The following SDCCAG8 variants were observed in gnomAD, a reference collection of about 807,000 sequenced individuals.
The protein encoded by SDCCAG8 is SHH signaling and ciliogenesis regulator SDCCAG8.
In SDCCAG8, 74 loss-of-function variants were observed where a neutral mutation model predicts 101.8. That is an observed-to-expected ratio of 0.73 (90% CI 0.60 to 0.88). The LOEUF is 0.88. Among genes scored for constraint, SDCCAG8 ranks in the 40% least tolerant of loss-of-function variants. The pLI is 0.00. For synonymous variants in SDCCAG8, 281 were observed against 292.9 expected (o/e 0.96, Z 0.41); for missense variants, 787 against 822.6 (o/e 0.96, Z 0.53).
chr1:243,375,401 A>T (rs1278486440), intron 12 of SDCCAG8, among the ~76,000 whole-genome samples: 1 of 152,136 alleles, frequency 6.6e-6, no homozygotes, highest in Non-Finnish European at 1.5e-5. Flanking sequence ...AATCAACAAT[A>T]AAAAGAAAGT....
rs2071912255 is a variant in SDCCAG8, at chr1:243,304,754, G to A, written c.717G>A (p.Glu239=). 5.6e-6 allele frequency: 9 copies of A among 1,594,670 alleles called. No individual in the cohort carries two copies. Among genetic ancestry groups the A allele is most frequent in the Non-Finnish European group, 6.9e-6 (8 of 1,162,698 alleles). ...KLTYEEKCEI[E]ESQLKFLRND... ...CTTATGAGGAAAAGTGTGAAATTGA[G>A]GAATCCCAATTGAAGTTTTTGAGGT... The change falls in exon 7 of 18, where the codon GAG becomes GAA. Residue 239 remains glutamate (E), a synonymous_variant. Coordinates refer to ENST00000366541, the MANE Select transcript of SDCCAG8 (RefSeq NM_006642.5).
At chr1:243,284,146 G>A (rs1485669785) in intron 4 of SDCCAG8, among the ~76,000 whole-genome samples, 3 of 152,130 alleles carry the variant, frequency 2.0e-5, no homozygotes, top group Non-Finnish European at 1.5e-5. Flanking sequence ...CTGTGTTTCA[G>A]TCTTTTAGCA....
intron 13 of SDCCAG8, among the ~76,000 whole-genome samples, chr1:243,402,317 CT>C (rs1399413509): frequency 6.6e-6 from 1 of 151,316 alleles, no homozygotes; most frequent in Non-Finnish European, 1.5e-5. Flanking sequence ...GTAGTCACAG[CT>C]GCTCAGGAGG....
chr1:243,256,820 G>T (rs180971828), intron 1 of SDCCAG8, among the ~76,000 whole-genome samples: 38 of 152,348 alleles, frequency 2.5e-4, no homozygotes, highest in Admixed American at 1.9e-3. Context: ...TAGTTGCAGA[G>T]CCAGGTATTA....
intron 13 of SDCCAG8, among the ~76,000 whole-genome samples, chr1:243,391,227 G>T (rs1345025725): frequency 6.6e-6 from 1 of 152,212 alleles, no homozygotes; most frequent in Non-Finnish European, 1.5e-5. Context: ...TTTGTTGATT[G>T]ATAAATCTTG....
At chr1:243,314,038 G>C (rs1437346605) in intron 8 of SDCCAG8, among the ~76,000 whole-genome samples, 1 of 152,180 alleles carries the variant, frequency 6.6e-6, no homozygotes, top group African/African-American at 2.4e-5. Flanking sequence ...TTGTGGGGTT[G>C]CTTGCTGCTA....
chr1:243,288,087 C>A (rs1418021654), intron 5 of SDCCAG8, among the ~76,000 whole-genome samples: 1 of 152,020 alleles, frequency 6.6e-6, no homozygotes, highest in African/African-American at 2.4e-5. Flanking sequence ...TGCCAGATGA[C>A]CTTGATATCT....
intron 8 of SDCCAG8, among the ~76,000 whole-genome samples, chr1:243,308,961 TAGA>T (rs2072442438): frequency 2.0e-5 from 3 of 152,352 alleles, no homozygotes; most frequent in South Asian, 2.1e-4. Context: ...CACTTCCTTT[TAGA>T]AGAAGTCTCT....
At position 243,458,653 on chromosome 1, in the gene SDCCAG8, C is replaced by T. The variant is rs1289837703; in HGVS notation, c.1986-30361C>T. ...CAGCTACTATGTGATAGATGCCAAACGTGAACCTGGGCAGTGTGGCTGCCA... is the reference window on the plus strand; with the variant it reads ...CAGCTACTATGTGATAGATGCCAAATGTGAACCTGGGCAGTGTGGCTGCCA... On this transcript the variant is annotated intron_variant, in intron 16 of 17. Coordinates refer to ENST00000366541, the MANE Select transcript of SDCCAG8 (RefSeq NM_006642.5). This position sits in a 1 kb window ranked among gnomAD's most constrained non-coding sequence, Gnocchi z 4.5. Among the ~76,000 whole-genome samples the T allele has an allele frequency of 6.6e-6, 1 of 152,182 alleles. No homozygotes were observed. The highest frequency in any genetic ancestry group is 1.5e-5 in the Non-Finnish European group (1 of 68,046).
intron 9 of SDCCAG8, among the ~76,000 whole-genome samples, chr1:243,317,347 G>A: frequency 7.1e-6 from 1 of 140,588 alleles, no homozygotes; most frequent in South Asian, 2.3e-4. Flanking sequence ...TTGAGACAGA[G>A]TCTTGCCCTG....
At chr1:243,315,585 C>T (rs2073162407) in intron 8 of SDCCAG8, among the ~76,000 whole-genome samples, 1 of 152,078 alleles carries the variant, frequency 6.6e-6, no homozygotes, top group South Asian at 2.1e-4. Context: ...TTACATGTTT[C>T]TTCAAATGTG....
chr1:243,477,587 G>A (rs558042439), intron 16 of SDCCAG8, among the ~76,000 whole-genome samples: 227 of 152,344 alleles, frequency 1.5e-3, no homozygotes, highest in Middle Eastern at 3.4e-3. Context: ...AGATCTAATT[G>A]CCCTAAGATG....
intron 6 of SDCCAG8, among the ~76,000 whole-genome samples, chr1:243,295,609 A>G (rs1318893579): frequency 2.0e-5 from 3 of 152,190 alleles, no homozygotes; most frequent in Non-Finnish European, 4.4e-5. Context: ...TGCTTCATAA[A>G]TTTATAATCC....
chr1:243,432,474 C>T (rs1019204789), intron 16 of SDCCAG8, among the ~76,000 whole-genome samples: 3 of 152,080 alleles, frequency 2.0e-5, no homozygotes, highest in Non-Finnish European at 2.9e-5. Flanking sequence ...TTCACAATCT[C>T]CCATGATACA....
In SDCCAG8 at chr1:243,333,184, C is replaced by T. The variant is rs114922094; in HGVS notation, c.1221+2492C>T. On this transcript the variant is annotated intron_variant, in intron 10 of 17. Transcript: ENST00000366541. ...AATCCCTTCCCCTTCCCATGGACCTCGTCTCCTTTCACCCCCTCAAGGAAC... is the reference window on the plus strand; with the variant it reads ...AATCCCTTCCCCTTCCCATGGACCTTGTCTCCTTTCACCCCCTCAAGGAAC... Among the ~76,000 whole-genome samples the T allele has an allele frequency of 8.0e-3, 1,223 of 152,266 alleles. 17 individuals are homozygous for T. The highest frequency in any genetic ancestry group is 0.026 in the African/African-American group (1,065 of 41,546).
chr1:243,277,561 T>C (rs550440395), intron 4 of SDCCAG8, among the ~76,000 whole-genome samples: 4 of 152,348 alleles, frequency 2.6e-5, no homozygotes, highest in African/African-American at 9.6e-5. Flanking sequence ...TTATCAGATA[T>C]GTCTTTTTCA....
chr1:243,360,974 C>T (rs2076677383), intron 12 of SDCCAG8, among the ~76,000 whole-genome samples: 1 of 152,226 alleles, frequency 6.6e-6, no homozygotes, highest in African/African-American at 2.4e-5. Flanking sequence ...TGCTGACCTA[C>T]AACTGGGCAG....
intron 16 of SDCCAG8, among the ~76,000 whole-genome samples, chr1:243,437,372 T>C (rs2082203347): frequency 6.6e-6 from 1 of 152,136 alleles, no homozygotes; most frequent in Non-Finnish European, 1.5e-5. Context: ...GCGGGAGGTA[T>C]ACGGTAATCA....
At chr1:243,496,665 C>T (rs942254178) in intron 17 of SDCCAG8, among the ~76,000 whole-genome samples, 3 of 152,328 alleles carry the variant, frequency 2.0e-5, no homozygotes, top group Admixed American at 1.3e-4. Context: ...ACCATCTCCC[C>T]GGGCTGCCAC....
Sources: gnomAD v4.1 joint callset for allele counts (sites outside exome capture counted in the v4.1 genomes callset) on GRCh38, gnomAD v4.1.1 for gene constraint, Gnocchi (gnomAD v3.1) non-coding constraint, MANE v1.5 for transcripts, NCBI Gene and HGNC (gene_info 2026-07-23, HGNC 2026-07-21) for gene names.